ATP6V1E2: variants seen among roughly 807,000 people sequenced by gnomAD.
The protein encoded by ATP6V1E2 is V-type proton ATPase subunit E 2.
For missense variants in ATP6V1E2, 308 were observed against 273.3 expected (o/e 1.13, Z -0.90); for synonymous variants, 121 against 104.2 (o/e 1.16, Z -0.98).
intron 4 of ATP6V1E2, among the ~76,000 whole-genome samples, chr2:46,521,736 A>G (rs537592493): frequency 2.6e-5 from 4 of 151,988 alleles, no homozygotes; most frequent in Admixed American, 6.5e-5. Context: ...TGTCGCCCAG[A>G]CTGGAGTGCA....
chr2:46,514,055 G>A (rs4953397), intron 4 of ATP6V1E2, among the ~76,000 whole-genome samples: 57,404 of 151,762 alleles, frequency 0.38, 11,058 homozygotes, highest in East Asian at 0.6. Context: ...CGAGGTGGGT[G>A]GATCAACTGA....
intron 4 of ATP6V1E2, among the ~76,000 whole-genome samples, chr2:46,524,882 T>C (rs1666816381): frequency 6.6e-6 from 1 of 151,902 alleles, no homozygotes; most frequent in Admixed American, 6.6e-5. Context: ...AGGGTGGAAA[T>C]GTCTGCCTGA....
chr2:46,534,983 T>C (rs946822147), intron 4 of ATP6V1E2: 5 of 152,226 alleles, frequency 3.3e-5, no homozygotes, highest in African/African-American at 1.2e-4. Context: ...GAGCCTGTTT[T>C]GCTGTTATAT....
chr2:46,518,006 T>A (rs1318637257), intron 4 of ATP6V1E2, among the ~76,000 whole-genome samples: 2 of 152,158 alleles, frequency 1.3e-5, no homozygotes, highest in Non-Finnish European at 2.9e-5. Flanking sequence ...CCCACTTCTG[T>A]TCAAAAGAAC....
At chr2:46,527,994 CA>C (rs1268347219) in intron 4 of ATP6V1E2, 1 of 152,198 alleles carries the variant, frequency 6.6e-6, no homozygotes, top group Non-Finnish European at 1.5e-5. Flanking sequence ...TGGGTGTCTC[CA>C]AGTGTGAACC....
chr2:46,512,323 G>A lies in ATP6V1E2; in HGVS notation c.389C>T (p.Pro130Leu). The A allele has an allele frequency of 6.2e-7, 1 of 1,613,106 alleles. No individual in the cohort carries two copies. The highest frequency in any genetic ancestry group is 1.1e-5 in the South Asian group (1 of 90,982). ...TGGCCGGCAGCGTACAATCATCACA[G>A]GTTCCAGCAGTCGGAGCAGACCCTG... Reference protein sequence around the residue: ...VLQGLLRLLEPVMIVRCRPQD... With the variant: ...VLQGLLRLLELVMIVRCRPQD... The change falls in exon 5 of 5, where the codon CCT (proline) becomes CTT (leucine). Residue 130 changes from proline (P) to leucine (L), a missense_variant. Transcript: ENST00000522587.
chr2:46,520,005 A>C (rs1339088758), intron 4 of ATP6V1E2: 1 of 152,224 alleles, frequency 6.6e-6, no homozygotes, highest in African/African-American at 2.4e-5. Context: ...GACCAGTCAT[A>C]TCCTTTGTGA....
At chr2:46,516,567 C>A (rs1243050860) in intron 4 of ATP6V1E2, among the ~76,000 whole-genome samples, 2 of 152,114 alleles carry the variant, frequency 1.3e-5, no homozygotes, top group Non-Finnish European at 2.9e-5. Context: ...GCACTCCAGT[C>A]TGGGCAACAG....
intron 2 of ATP6V1E2, among the ~76,000 whole-genome samples, chr2:46,541,060 G>C (rs552540090): frequency 6.6e-6 from 1 of 152,302 alleles, no homozygotes; most frequent in South Asian, 2.1e-4. Context: ...TCCTGGCTGA[G>C]TGCTCTCCTT....
chr2:46,524,279 G>A (rs899767773), intron 4 of ATP6V1E2, among the ~76,000 whole-genome samples: 1 of 151,942 alleles, frequency 6.6e-6, no homozygotes, highest in African/African-American at 2.4e-5. Flanking sequence ...ACCTTCCATG[G>A]GTAACAACAG....
chr2:46,536,458 C>A (rs1346349305), intron 3 of ATP6V1E2, among the ~76,000 whole-genome samples, 153 bp downstream of exon 3: 3 of 152,156 alleles, frequency 2.0e-5, no homozygotes, highest in South Asian at 2.1e-4. Flanking sequence ...GTAGGTAGGG[C>A]ATGTGGCAGG....
At position 46,512,285 on chromosome 2, in the gene ATP6V1E2, G is replaced by C. The variant is rs113605176; in HGVS notation, c.427C>G (p.Leu143Val). 2.9e-5 allele frequency: 47 copies of C among 1,611,530 alleles called. 1 individual carries two copies. The African/African-American group carries it at 4.9e-4, about 17-fold the overall frequency. ...IVRCRPQDLL[L>V]VEAAVQKAIP... is the part of the protein sequence containing the mutation. ...GCTTTTTGTACAGCAGCCTCCACCA[G>C]GAGGAGGTCTTGTGGCCGGCAGCGT... The change falls in exon 5 of 5, where the codon CTG becomes GTG. Residue 143 changes from leucine to valine, a missense_variant. By Grantham distance (32) the Leu-to-Val change is conservative. Coordinates refer to ENST00000522587, the MANE Select transcript of ATP6V1E2 (RefSeq NM_001318063.2).
intron 4 of ATP6V1E2, among the ~76,000 whole-genome samples, chr2:46,532,778 C>G (rs1220084737): frequency 1.3e-5 from 2 of 152,126 alleles, no homozygotes; most frequent in East Asian, 3.8e-4. Flanking sequence ...CTGCTGATTC[C>G]TTGATCTTAG....
At chr2:46,516,946 T>A (rs1257322467) in intron 4 of ATP6V1E2, among the ~76,000 whole-genome samples, 1 of 152,152 alleles carries the variant, frequency 6.6e-6, no homozygotes, top group Admixed American at 6.5e-5. Flanking sequence ...CCTATCAAAA[T>A]CCTGATGCTG....
chr2:46,519,002 T>C (rs1558658138), intron 4 of ATP6V1E2: 1 of 152,264 alleles, frequency 6.6e-6, no homozygotes, highest in Non-Finnish European at 1.5e-5. Context: ...ACACAGAATG[T>C]GGAACTTGGA....
intron 4 of ATP6V1E2, among the ~76,000 whole-genome samples, chr2:46,531,331 A>G (rs1210778580): frequency 6.6e-6 from 1 of 152,162 alleles, no homozygotes; most frequent in Non-Finnish European, 1.5e-5. Context: ...CGTTTTTGAG[A>G]TTCATCCACA....
At chr2:46,521,917 C>T (rs900331339) in intron 4 of ATP6V1E2, among the ~76,000 whole-genome samples, 1 of 143,316 alleles carries the variant, frequency 7.0e-6, no homozygotes, top group Non-Finnish European at 1.5e-5. Context: ...GTCTCGATCT[C>T]CTGACCTCGT....
In ATP6V1E2 at chr2:46,532,296, T is replaced by G. The variant is rs140344717; in HGVS notation, c.-102+3517A>C. Among the ~76,000 whole-genome samples, 492 of 151,930 alleles carry G rather than the reference T, an allele frequency of 3.2e-3. 6 individuals carry two copies. Among genetic ancestry groups the G allele is most frequent in the African/African-American group, 0.011 (463 of 41,420 alleles). ...CTGTTTTCCTAAGACCATTGAATGA[T>G]CTTGGCACCCTCCTGACTTCCTTTT... On this transcript the variant is annotated intron_variant, in intron 4 of 4. Transcript: ENST00000522587.
At chr2:46,516,947 C>A (rs1010471647) in intron 4 of ATP6V1E2, among the ~76,000 whole-genome samples, 3 of 152,132 alleles carry the variant, frequency 2.0e-5, no homozygotes, top group Non-Finnish European at 4.4e-5. Flanking sequence ...CTATCAAAAT[C>A]CTGATGCTGT....
Sources: allele counts gnomAD v4.1 joint callset (sites outside exome capture counted in the v4.1 genomes callset), GRCh38; gene constraint gnomAD v4.1.1; transcripts MANE v1.5; gene names NCBI Gene and HGNC (gene_info 2026-07-23, HGNC 2026-07-21).